The following ERBB4 variants were observed in gnomAD, a reference collection of about 807,000 sequenced individuals.
The protein encoded by ERBB4 is erb-b2 receptor tyrosine kinase 4.
In ERBB4, 42 loss-of-function variants were observed where a neutral mutation model predicts 158.0. The observed-to-expected ratio is 0.27, with a 90% CI of 0.21 to 0.34. ERBB4 has a LOEUF of 0.34. ERBB4 is among the 10% of genes least tolerant of loss of function. The pLI is 1.00. For synonymous variants in ERBB4, 583 were observed against 558.7 expected (o/e 1.04, Z -0.61); for missense variants, 1,333 against 1,624.1 (o/e 0.82, Z 3.08).
chr2:211,681,199 T>TTTA (rs2072318818), intron 12 of ERBB4, among the ~76,000 whole-genome samples: 1 of 152,232 alleles, frequency 6.6e-6, no homozygotes, highest in Non-Finnish European at 1.5e-5. Context: ...TTTATTCACT[T>TTTA]TTATTACTGA....
At chr2:212,079,473 T>C (rs1279087523) in intron 2 of ERBB4, among the ~76,000 whole-genome samples, 13 of 152,114 alleles carry the variant, frequency 8.5e-5, no homozygotes, top group Admixed American at 8.5e-4. Flanking sequence ...CTGTGTTGTA[T>C]AGAATTTGCT....
At chr2:211,861,507 A>C (rs900978206) in intron 3 of ERBB4, among the ~76,000 whole-genome samples, 7 of 151,620 alleles carry the variant, frequency 4.6e-5, no homozygotes, top group African/African-American at 1.5e-4. Context: ...CCAGCCCAAA[A>C]ACAATATTGA....
At chr2:212,084,564 T>A (rs2078544741) in intron 2 of ERBB4, among the ~76,000 whole-genome samples, 1 of 151,930 alleles carries the variant, frequency 6.6e-6, no homozygotes, top group Non-Finnish European at 1.5e-5. Flanking sequence ...AACCAACTCT[T>A]GATTACCCAT....
chr2:211,993,218 A>AG (rs879715310), intron 2 of ERBB4, among the ~76,000 whole-genome samples: 2 of 152,220 alleles, frequency 1.3e-5, no homozygotes, highest in Non-Finnish European at 2.9e-5. Context: ...ATGAAATCCT[A>AG]GGGGTGAGAC....
At chr2:212,505,229 G>A (rs557666708) in intron 1 of ERBB4, among the ~76,000 whole-genome samples, 4 of 152,014 alleles carry the variant, frequency 2.6e-5, no homozygotes, top group South Asian at 2.1e-4. Context: ...CCCGAGTAGC[G>A]GGGATTAGAG....
At chr2:212,443,908 G>T (rs1009860038) in intron 1 of ERBB4, among the ~76,000 whole-genome samples, 2 of 152,142 alleles carry the variant, frequency 1.3e-5, no homozygotes, top group Non-Finnish European at 2.9e-5. Context: ...AGGTCATCAA[G>T]TCACCATGTG....
intron 20 of ERBB4, among the ~76,000 whole-genome samples, chr2:211,547,995 T>A (rs1404928089): frequency 6.6e-6 from 1 of 152,090 alleles, no homozygotes; most frequent in Admixed American, 6.6e-5. Context: ...AAAGCCTAAA[T>A]GACTCCTCTA....
chr2:211,611,127 T>G (rs1051033184), intron 19 of ERBB4, among the ~76,000 whole-genome samples: 5 of 152,174 alleles, frequency 3.3e-5, no homozygotes, highest in African/African-American at 9.6e-5. Context: ...CTGGACTTCC[T>G]GGGTCAATAG....
At chr2:211,385,948 T>A (rs957903387) in intron 27 of ERBB4, among the ~76,000 whole-genome samples, 7 of 152,204 alleles carry the variant, frequency 4.6e-5, no homozygotes, top group African/African-American at 1.7e-4. Context: ...GTTTTAGATA[T>A]GTAAAAATTT....
At chr2:212,253,216 T>C (rs1314876025) in intron 1 of ERBB4, among the ~76,000 whole-genome samples, 3 of 152,136 alleles carry the variant, frequency 2.0e-5, no homozygotes, top group Admixed American at 6.6e-5. Context: ...TTAAAAGTTG[T>C]TACAAATTTC....
intron 3 of ERBB4, among the ~76,000 whole-genome samples, chr2:211,832,621 C>CAT (rs2077248247): frequency 6.7e-6 from 1 of 148,392 alleles, no homozygotes; most frequent in South Asian, 2.1e-4. Context: ...TATATATATA[C>CAT]ATATATATAC....
At chr2:211,811,720 C>T (rs967898088) in intron 3 of ERBB4, among the ~76,000 whole-genome samples, 3 of 152,024 alleles carry the variant, frequency 2.0e-5, no homozygotes, top group African/African-American at 7.2e-5. Flanking sequence ...TTTCTTTTTA[C>T]TCTTTTTTTT....
At chr2:211,630,318 CTTTG>C in intron 17 of ERBB4, 140 bp downstream of exon 17, 1 of 933,678 alleles carries the variant, frequency 1.1e-6, no homozygotes, top group Non-Finnish European at 1.7e-6. Flanking sequence ...TTTTCACAAG[CTTTG>C]TTTAACGGAC....
At chr2:211,517,709 T>C (rs2066075182) in intron 20 of ERBB4, among the ~76,000 whole-genome samples, 1 of 152,128 alleles carries the variant, frequency 6.6e-6, no homozygotes, top group African/African-American at 2.4e-5. Flanking sequence ...TGTGCTTACA[T>C]AAATTACATA....
chr2:211,934,489 A>G (rs2080259413), intron 3 of ERBB4, among the ~76,000 whole-genome samples: 1 of 152,074 alleles, frequency 6.6e-6, no homozygotes, highest in African/African-American at 2.4e-5. Flanking sequence ...TCATGAAATC[A>G]GTAATTAGAG....
rs2125403372 is a variant in ERBB4 at position 211,420,457 on chromosome 2, C to T, written c.3119G>A (p.Arg1040Lys). ...IPPPIYTSRA[R>K]IDSNRSEIGH... ...ATTTCTTACCCTATTCGAGTCAATT[C>T]TTGCTCTGGAAGTATAGATGGGAGG... Residue 1040 changes from arginine to lysine, a missense_variant, in exon 25 of 28, where the codon AGA becomes AAA. By Grantham distance (26) the Arg-to-Lys change is conservative. Around this residue, in one of 5 missense-constraint regions of ERBB4, gnomAD observed 252 missense variants for 241.3 expected, o/e 1.04. Transcript: ENST00000342788. The T allele has an allele frequency of 6.2e-7, 1 of 1,611,472 alleles. No individual in the cohort carries two copies.
At chr2:211,983,675 T>C (rs1300850569) in intron 2 of ERBB4, among the ~76,000 whole-genome samples, 5 of 152,160 alleles carry the variant, frequency 3.3e-5, no homozygotes, top group Non-Finnish European at 5.9e-5. Context: ...ACACTGACAT[T>C]TGGTTTAAAG....
intron 5 of ERBB4, among the ~76,000 whole-genome samples, chr2:211,732,668 G>T (rs1158666296): frequency 6.6e-6 from 1 of 152,108 alleles, no homozygotes; most frequent in East Asian, 1.9e-4. Flanking sequence ...GTTAATAAAA[G>T]TAGGGCCAGG....
intron 1 of ERBB4, among the ~76,000 whole-genome samples, chr2:212,298,560 A>G (rs2086502008): frequency 6.6e-6 from 1 of 151,716 alleles, no homozygotes; most frequent in East Asian, 1.9e-4. Context: ...TGTAGGCAAG[A>G]CAAGAGTAGT....
Sources: allele counts gnomAD v4.1 joint callset (sites outside exome capture counted in the v4.1 genomes callset), GRCh38; gene constraint gnomAD v4.1.1; regional missense constraint gnomAD v4.1.1; transcripts MANE v1.5; gene names NCBI Gene and HGNC (gene_info 2026-07-23, HGNC 2026-07-21).